The following LUZP2 variants were observed in gnomAD, a reference collection of about 807,000 sequenced individuals.
The protein encoded by LUZP2 is leucine zipper protein 2.
LUZP2 carries 52 observed loss-of-function variants against 51.6 expected under a neutral mutation model. That is an observed-to-expected ratio of 1.01 (90% CI 0.81 to 1.27). The LOEUF is 1.27. Among genes scored for constraint, LUZP2 ranks in the 50% most tolerant of loss-of-function variants. The pLI is 0.00. For synonymous variants in LUZP2, 154 were observed against 137.3 expected, an observed-to-expected ratio of 1.12 and a Z score of -0.85; for missense variants, 436 against 395.4, an observed-to-expected ratio of 1.10 and a Z score of -0.87.
chr11:24,833,486 A>G (rs1335038816), intron 5 of LUZP2, among the ~76,000 whole-genome samples: 2 of 152,166 alleles, frequency 1.3e-5, no homozygotes, highest in Admixed American at 6.5e-5. Context: ...TGAGACTCAC[A>G]GTCAGGTTTA....
chr11:24,555,668 TG>T (rs1305148185), intron 1 of LUZP2, among the ~76,000 whole-genome samples: 1 of 152,146 alleles, frequency 6.6e-6, no homozygotes, highest in African/African-American at 2.4e-5. Flanking sequence ...CTTCAATCAT[TG>T]TTCTAAGAAA....
intron 1 of LUZP2, among the ~76,000 whole-genome samples, chr11:24,566,720 T>A (rs1852238582): frequency 6.8e-6 from 1 of 146,586 alleles, no homozygotes; most frequent in Admixed American, 7.0e-5. Context: ...TGTATATATA[T>A]GTATATATAC....
At chr11:25,037,864 G>C (rs1453525122) in intron 9 of LUZP2, among the ~76,000 whole-genome samples, 1 of 151,788 alleles carries the variant, frequency 6.6e-6, no homozygotes, top group Non-Finnish European at 1.5e-5. Context: ...TAGGTTCCCT[G>C]CCCCTTCTCT....
chr11:24,517,540 A>G (rs931855953), intron 1 of LUZP2, among the ~76,000 whole-genome samples: 1 of 146,250 alleles, frequency 6.8e-6, no homozygotes, highest in Non-Finnish European at 1.5e-5. Flanking sequence ...AATTTTATGT[A>G]AGTTTTTTAT....
At chr11:24,562,475 A>C (rs1221568928) in intron 1 of LUZP2, among the ~76,000 whole-genome samples, 1 of 151,558 alleles carries the variant, frequency 6.6e-6, no homozygotes, top group Non-Finnish European at 1.5e-5. Context: ...CTAAGGAAAA[A>C]AAAAGAAAAG....
At chr11:24,626,563 TGAG>T (rs1854691045) in intron 1 of LUZP2, among the ~76,000 whole-genome samples, 1 of 152,130 alleles carries the variant, frequency 6.6e-6, no homozygotes, top group African/African-American at 2.4e-5. Flanking sequence ...GTTGTAAGGA[TGAG>T]ATGGGAGACC....
intron 1 of LUZP2, among the ~76,000 whole-genome samples, chr11:24,581,272 A>T (rs1038669326): frequency 1.3e-5 from 2 of 152,150 alleles, no homozygotes; most frequent in African/African-American, 4.8e-5. Context: ...ACAAACAACA[A>T]CAAAGTAAAC....
intron 9 of LUZP2, among the ~76,000 whole-genome samples, chr11:25,012,399 C>T: frequency 6.6e-6 from 1 of 152,204 alleles, no homozygotes; most frequent in Admixed American, 6.6e-5. Context: ...ACCCATTAGA[C>T]ATTGTAAATA....
chr11:24,707,821 C>T (rs1857650144), intron 1 of LUZP2, among the ~76,000 whole-genome samples: 1 of 152,114 alleles, frequency 6.6e-6, no homozygotes, highest in Non-Finnish European at 1.5e-5. Flanking sequence ...TTTTAATTCT[C>T]AGCAAGGCAA....
chr11:24,501,515 G>A (rs1849992676), intron 1 of LUZP2, among the ~76,000 whole-genome samples: 2 of 152,120 alleles, frequency 1.3e-5, no homozygotes, highest in Admixed American at 6.5e-5. Flanking sequence ...CTATGTGTGC[G>A]GCTGTTTCTC....
intron 5 of LUZP2, among the ~76,000 whole-genome samples, chr11:24,878,841 A>C (rs999867039): frequency 1.3e-5 from 2 of 150,640 alleles, no homozygotes; most frequent in African/African-American, 2.4e-5. Flanking sequence ...TCATTGTTCA[A>C]CTCCCAATTT....
chr11:24,985,686 TG>T, intron 9 of LUZP2, among the ~76,000 whole-genome samples: 1 of 151,852 alleles, frequency 6.6e-6, no homozygotes, highest in Middle Eastern at 3.4e-3. Flanking sequence ...TTCACTATGA[TG>T]TAAAGGGCAA....
intron 1 of LUZP2, among the ~76,000 whole-genome samples, chr11:24,503,027 A>G: frequency 6.6e-6 from 1 of 151,588 alleles, no homozygotes; most frequent in African/African-American, 2.4e-5. Flanking sequence ...TAGTATTGAC[A>G]TTTTTTTTTA....
rs117852361 is a variant in LUZP2 at position 25,076,025 on chromosome 11, T to C, written c.859-1304T>C. Among the ~76,000 whole-genome samples, 1,145 of 151,884 alleles carry C rather than the reference T, an allele frequency of 7.5e-3. 36 individuals carry two copies. The East Asian group carries it at 0.1, about 13-fold the overall frequency. On this transcript the variant is annotated intron_variant, in intron 10 of 11. Coordinates refer to ENST00000336930, the MANE Select transcript of LUZP2 (RefSeq NM_001009909.4). ...ACAAATATAATAATTATATATATTC[T>C]TTTTTGAGACAGGATCTCACTCTGT...
At chr11:25,019,878 AC>A (rs1857280820) in intron 9 of LUZP2, among the ~76,000 whole-genome samples, 1 of 147,294 alleles carries the variant, frequency 6.8e-6, no homozygotes, top group African/African-American at 2.7e-5. Flanking sequence ...CTTAAAAATG[AC>A]TCTAGATTTT....
chr11:24,903,423 G>A (rs1853339633), intron 5 of LUZP2, among the ~76,000 whole-genome samples: 1 of 152,082 alleles, frequency 6.6e-6, no homozygotes, highest in South Asian at 2.1e-4. Flanking sequence ...CTTTCAGACT[G>A]GGACAACTGT....
At chr11:24,845,974 A>G (rs1235182096) in intron 5 of LUZP2, among the ~76,000 whole-genome samples, 1 of 152,152 alleles carries the variant, frequency 6.6e-6, no homozygotes, top group African/African-American at 2.4e-5. Context: ...TTAACATGCT[A>G]TAATATATTT....
intron 9 of LUZP2, among the ~76,000 whole-genome samples, chr11:25,007,590 A>G (rs1856868889): frequency 6.6e-6 from 1 of 150,426 alleles, no homozygotes; most frequent in Non-Finnish European, 1.5e-5. Context: ...GTAACAAAGC[A>G]AGACTCCATC....
At chr11:24,669,898 A>T (rs938864578) in intron 1 of LUZP2, among the ~76,000 whole-genome samples, 1 of 152,070 alleles carries the variant, frequency 6.6e-6, no homozygotes, top group Admixed American at 6.6e-5. Context: ...TCCTTTAACT[A>T]TCTTTGGCTA....
Sources: gnomAD v4.1 joint callset for allele counts (sites outside exome capture counted in the v4.1 genomes callset) on GRCh38, gnomAD v4.1.1 for gene constraint, MANE v1.5 for transcripts, NCBI Gene and HGNC (gene_info 2026-07-23, HGNC 2026-07-21) for gene names.